DPP10: variants seen among roughly 807,000 people sequenced by gnomAD.
DPP10 encodes the protein inactive dipeptidyl peptidase 10.
A neutral mutation model predicts 120.9 loss-of-function variants in DPP10; 33 were observed. That is an observed-to-expected ratio of 0.27 (90% CI 0.21 to 0.37). The LOEUF (loss-of-function observed/expected upper bound fraction) is 0.37. DPP10 is among the 10% of genes least tolerant of loss of function. DPP10 has a pLI of 1.00. For synonymous variants in DPP10, 337 were observed against 326.1 expected (o/e 1.03, Z -0.36); for missense variants, 816 against 942.8 (o/e 0.87, Z 1.76).
chr2:115,113,727 G>A (rs1167548879), intron 1 of DPP10, among the ~76,000 whole-genome samples: 1 of 152,016 alleles, frequency 6.6e-6, no homozygotes, highest in Non-Finnish European at 1.5e-5. Flanking sequence ...ACATATTTTG[G>A]GGCAACATAT....
At chr2:115,251,879 A>G (rs931548482) in intron 1 of DPP10, among the ~76,000 whole-genome samples, 5 of 152,230 alleles carry the variant, frequency 3.3e-5, no homozygotes, top group Admixed American at 3.3e-4. Context: ...TGACAAAAGC[A>G]TAGGCTGTAG....
chr2:114,656,632 TG>T (rs1279319783), intron 1 of DPP10, among the ~76,000 whole-genome samples: 1 of 152,140 alleles, frequency 6.6e-6, no homozygotes, highest in Non-Finnish European at 1.5e-5. Flanking sequence ...TTGTGTTTAG[TG>T]GTGAGGATAT....
chr2:115,057,927 C>T (rs1706062419), intron 1 of DPP10, among the ~76,000 whole-genome samples: 1 of 152,176 alleles, frequency 6.6e-6, no homozygotes, highest in Non-Finnish European at 1.5e-5. Context: ...GAACTAGGTA[C>T]AAGCCTACTT....
At chr2:115,101,482 T>C (rs936062923) in intron 1 of DPP10, among the ~76,000 whole-genome samples, 1 of 152,142 alleles carries the variant, frequency 6.6e-6, no homozygotes, top group Non-Finnish European at 1.5e-5. Context: ...TTCCTACCAC[T>C]GATATATGTA....
At chr2:114,594,202 C>T (rs1466113413) in intron 1 of DPP10, among the ~76,000 whole-genome samples, 1 of 151,946 alleles carries the variant, frequency 6.6e-6, no homozygotes, top group Non-Finnish European at 1.5e-5. Flanking sequence ...TCTAGCCTCC[C>T]AGCATACATC....
At chr2:115,203,873 T>G (rs2055924424) in intron 1 of DPP10, among the ~76,000 whole-genome samples, 1 of 152,192 alleles carries the variant, frequency 6.6e-6, no homozygotes, top group African/African-American at 2.4e-5. Context: ...TGGAGAGGTT[T>G]CCCTAACAAT....
intron 1 of DPP10, among the ~76,000 whole-genome samples, chr2:115,062,627 G>A (rs1706507187): frequency 6.6e-6 from 1 of 152,142 alleles, no homozygotes; most frequent in Non-Finnish European, 1.5e-5. Context: ...ACTTATAAGT[G>A]AGAACACGCA....
intron 5 of DPP10, among the ~76,000 whole-genome samples, chr2:115,677,590 A>C (rs1013658390): frequency 2.0e-5 from 3 of 152,232 alleles, no homozygotes; most frequent in Admixed American, 2.0e-4. Flanking sequence ...AAGATATTTC[A>C]TACAAATGGA....
At chr2:114,766,885 C>T (rs1680751250) in intron 1 of DPP10, among the ~76,000 whole-genome samples, 1 of 151,772 alleles carries the variant, frequency 6.6e-6, no homozygotes, top group African/African-American at 2.4e-5. Flanking sequence ...TAGGCTGAAA[C>T]TGCATAGCAC....
rs2106535460 is a variant in DPP10 at position 115,389,936 on chromosome 2, T to C, written c.271+46024T>C. 2.0e-5 allele frequency among the ~76,000 whole-genome samples: 3 copies of C among 152,312 alleles called. No homozygotes were observed. In the Middle Eastern group the frequency reaches 0.01, roughly 518 times the overall value. On this transcript the variant is annotated intron_variant, in intron 3 of 25. Coordinates refer to ENST00000410059, the MANE Select transcript of DPP10 (RefSeq NM_020868.6). ...CTACTCTTCCCTGAAACTGAGTTAT[T>C]ACGTTAAGGCTCATTGATATTTTAT...
At chr2:115,729,453 T>A (rs1334383099) in intron 8 of DPP10, among the ~76,000 whole-genome samples, 1 of 152,150 alleles carries the variant, frequency 6.6e-6, no homozygotes, top group Non-Finnish European at 1.5e-5. Flanking sequence ...TTCTAGGGAT[T>A]TGCAAGCATT....
intron 1 of DPP10, among the ~76,000 whole-genome samples, chr2:115,303,762 C>T (rs2061246280): frequency 6.6e-6 from 1 of 151,956 alleles, no homozygotes; most frequent in East Asian, 1.9e-4. Context: ...CCAGCTTCAT[C>T]TTGTGTGGTA....
chr2:115,591,431 T>G (rs1315749798), intron 5 of DPP10, among the ~76,000 whole-genome samples: 2 of 152,176 alleles, frequency 1.3e-5, no homozygotes, highest in Non-Finnish European at 2.9e-5. Flanking sequence ...TCATTTCTTG[T>G]TTTTGTCAGG....
chr2:115,799,539 A>T (rs1280330251), intron 19 of DPP10, among the ~76,000 whole-genome samples: 6 of 150,300 alleles, frequency 4.0e-5, no homozygotes, highest in Admixed American at 6.6e-5. Flanking sequence ...ACCCATTAAC[A>T]CGTCATTTAG....
chr2:115,797,955 G>GTATA lies in DPP10; in HGVS notation c.1700+6610_1700+6613dup, dbSNP rs60338859. On this transcript the variant is annotated intron_variant, in intron 19 of 25. Transcript: ENST00000410059. ...TATATGTGTATATATGTGTGTGTGT[G>GTATA]TATATATATATATACACACGTATAT... 9.9e-3 allele frequency among the ~76,000 whole-genome samples: 1,475 copies of GTATA among 149,670 alleles called. 12 individuals are homozygous for GTATA. The highest frequency in any genetic ancestry group is 0.018 in the Middle Eastern group (5 of 282).
intron 1 of DPP10, among the ~76,000 whole-genome samples, chr2:115,160,152 T>A (rs764873351): frequency 3.3e-5 from 5 of 152,196 alleles, no homozygotes; most frequent in Non-Finnish European, 5.9e-5. Context: ...ATTAAAAATA[T>A]ATATTTGCTT....
chr2:115,455,707 G>A (rs1442335857), intron 3 of DPP10, among the ~76,000 whole-genome samples: 1 of 152,114 alleles, frequency 6.6e-6, no homozygotes, highest in Non-Finnish European at 1.5e-5. Context: ...ACAAAAACAA[G>A]CAATGGGGAA....
intron 2 of DPP10, among the ~76,000 whole-genome samples, chr2:115,334,296 G>T (rs1275709844): frequency 7.6e-6 from 1 of 130,862 alleles, no homozygotes; most frequent in Non-Finnish European, 1.6e-5. Context: ...GTAAGAAAAG[G>T]CAAAAGAAAG....
intron 8 of DPP10, among the ~76,000 whole-genome samples, chr2:115,731,192 T>G (rs763376426): frequency 6.6e-6 from 1 of 152,200 alleles, no homozygotes; most frequent in Non-Finnish European, 1.5e-5. Context: ...ACCCCGTCTC[T>G]ACTAAAAATA....
Sources: allele counts gnomAD v4.1 joint callset (sites outside exome capture counted in the v4.1 genomes callset), GRCh38; gene constraint gnomAD v4.1.1; transcripts MANE v1.5; gene names NCBI Gene and HGNC (gene_info 2026-07-23, HGNC 2026-07-21).